ARID1B: variants seen among roughly 807,000 people sequenced by gnomAD.
ARID1B encodes AT-rich interactive domain-containing protein 1B.
A neutral mutation model predicts 212.3 loss-of-function variants in ARID1B; 30 were observed. The ratio of observed to expected loss-of-function variants is 0.14; its 90% CI spans 0.11 to 0.19. The LOEUF is 0.19. Among genes scored for constraint, ARID1B ranks in the 10% least tolerant of loss-of-function variants. ARID1B has a pLI of 1.00. For synonymous variants in ARID1B, 1,402 were observed against 1,301.7 expected (o/e 1.08, Z -1.66); for missense variants, 2,891 against 3,204.0 (o/e 0.90, Z 2.36).
At chr6:157,116,466 T>C (rs562441902) in intron 6 of ARID1B, among the ~76,000 whole-genome samples, 51 of 149,556 alleles carry the variant, frequency 3.4e-4, no homozygotes, top group African/African-American at 1.2e-3. Flanking sequence ...ACACAGGTTA[T>C]TTAACCCTTT....
intron 3 of ARID1B, among the ~76,000 whole-genome samples, chr6:156,905,987 A>G (rs1237982931): frequency 6.6e-6 from 1 of 152,202 alleles, no homozygotes; most frequent in East Asian, 1.9e-4. Context: ...GATGAGAAAT[A>G]TCCCTGTAAT....
In ARID1B at chr6:156,901,288, C is replaced by T. The variant is rs1415864479; in HGVS notation, c.1987-88C>T. The stretch of plus-strand genomic sequence containing the variant: ...AGTTTAGTTGCTTAGCAGAGAACCC[C>T]CTTCATGTTGCTGAATTGAAACCAT... On this transcript the variant is annotated intron_variant, in intron 2 of 19. Coordinates refer to ENST00000636930, the MANE Select transcript of ARID1B (RefSeq NM_001374828.1). 6 of 1,482,328 alleles carry T rather than the reference C, an allele frequency of 4.0e-6. No individual in the cohort carries two copies. The African/African-American group carries it at 5.5e-5, about 14-fold the overall frequency. 91.8% of individuals were successfully genotyped at this position (1,482,328 alleles called of 1,614,324 possible).
rs143370913 is a variant in ARID1B, at chr6:156,829,377, C to A, written c.1942C>A (p.Arg648=). The A allele has an allele frequency of 8.1e-5, 131 of 1,614,052 alleles. No individual in the cohort carries two copies. In the African/African-American group the frequency reaches 1.7e-3, roughly 21 times the overall value. ...GCGGTATCCAATTGGCATCCAGGGTCGGACTCCCGGGGCCATGGCCGGAAT... is the reference window on the plus strand; with the variant it reads ...GCGGTATCCAATTGGCATCCAGGGTAGGACTCCCGGGGCCATGGCCGGAAT... ...PQRYPIGIQG[R]TPGAMAGMQY... is the part of the protein sequence containing the mutation. The change falls in exon 2 of 20, where the codon CGG becomes AGG. Residue 648 remains arginine (R), a synonymous_variant. Coordinates refer to ENST00000636930, the MANE Select transcript of ARID1B (RefSeq NM_001374828.1).
At chr6:157,122,738 G>A (rs1436995548) in intron 6 of ARID1B, among the ~76,000 whole-genome samples, 2 of 152,122 alleles carry the variant, frequency 1.3e-5, no homozygotes, top group Non-Finnish European at 2.9e-5. Flanking sequence ...GAGTACAGTG[G>A]CGTGATCTGG....
chr6:156,861,736 T>C (rs1394616358), intron 2 of ARID1B, among the ~76,000 whole-genome samples: 1 of 152,182 alleles, frequency 6.6e-6, no homozygotes, highest in Non-Finnish European at 1.5e-5. Flanking sequence ...ATGGGAGCCC[T>C]TTCTCTTTGC....
In ARID1B at chr6:157,207,115, C is replaced by T. The variant is rs1361439044; in HGVS notation, c.6343C>T (p.Pro2115Ser). Residue 2115 changes from proline to serine, a missense_variant, in exon 20 of 20, where the codon CCG (proline) becomes TCG (serine). Pro to Ser is a moderately conservative substitution (Grantham distance 74). This residue lies in a region of ARID1B where 41 missense variants were observed against 40.4 expected (regional missense o/e 1.01). Transcript: ENST00000636930. This position sits in a 1 kb window ranked among gnomAD's most constrained non-coding sequence, Gnocchi z 8.5. ...CGAGCATCCAGAGAGAAAGCGAGCACCGCAGACCTATGAGAAAGAGGAGGA... is the reference window on the plus strand; with the variant it reads ...CGAGCATCCAGAGAGAAAGCGAGCATCGCAGACCTATGAGAAAGAGGAGGA... Reference protein sequence around the residue: ...HHEHPERKRAPQTYEKEEDED... With the variant: ...HHEHPERKRASQTYEKEEDED... 6.2e-7 allele frequency: 1 copy of T among 1,614,180 alleles called. No homozygotes were observed. The highest frequency in any genetic ancestry group is 2.2e-5 in the East Asian group (1 of 44,882).
intron 6 of ARID1B, among the ~76,000 whole-genome samples, chr6:157,121,113 G>C (rs1292209813): frequency 6.6e-6 from 1 of 152,216 alleles, no homozygotes; most frequent in African/African-American, 2.4e-5. Flanking sequence ...CAAGATCCAT[G>C]TTAAAATTCC....
At chr6:156,920,174 CA>C (rs1196850988) in intron 3 of ARID1B, among the ~76,000 whole-genome samples, 1 of 152,374 alleles carries the variant, frequency 6.6e-6, no homozygotes, top group East Asian at 1.9e-4. Flanking sequence ...TGCACCCCTT[CA>C]CCTCCCTCCC....
At chr6:157,130,600 G>T (rs1788481656) in intron 6 of ARID1B, among the ~76,000 whole-genome samples, 1 of 152,156 alleles carries the variant, frequency 6.6e-6, no homozygotes. Flanking sequence ...AGGATAATAA[G>T]AAATAGTTCA....
chr6:156,920,041 A>G (rs1460636109), intron 3 of ARID1B, among the ~76,000 whole-genome samples: 1 of 152,230 alleles, frequency 6.6e-6, no homozygotes, highest in East Asian at 1.9e-4. Context: ...ATGAGTGGAC[A>G]TTGCCTTGTT....
At chr6:157,081,419 A>G (rs1784625000) in intron 4 of ARID1B, among the ~76,000 whole-genome samples, 1 of 152,250 alleles carries the variant, frequency 6.6e-6, no homozygotes, top group South Asian at 2.1e-4. Context: ...ATAGCTCTAC[A>G]TACAGATACC....
chr6:156,930,520 A>G (rs1475564899), intron 3 of ARID1B, among the ~76,000 whole-genome samples: 2 of 152,228 alleles, frequency 1.3e-5, no homozygotes, highest in Non-Finnish European at 2.9e-5. Flanking sequence ...CAATGGACAT[A>G]TACAACCCTT....
At chr6:156,989,578 G>A (rs9322592) in intron 4 of ARID1B, among the ~76,000 whole-genome samples, 147,220 of 152,320 alleles carry the variant, frequency 0.97, 71,180 homozygotes, top group East Asian at 0.99. Context: ...CAATTGGGCC[G>A]CCCCATAGTT....
intron 5 of ARID1B, among the ~76,000 whole-genome samples, chr6:157,099,526 A>G (rs915988056): frequency 1.3e-5 from 2 of 152,194 alleles, no homozygotes; most frequent in African/African-American, 4.8e-5. Context: ...GTGTAGTTTT[A>G]GTATGTTTAA....
chr6:157,061,098 C>A (rs1783314178), intron 4 of ARID1B, among the ~76,000 whole-genome samples: 1 of 152,180 alleles, frequency 6.6e-6, no homozygotes, highest in African/African-American at 2.4e-5. Flanking sequence ...CTCAACTGAT[C>A]AACCAAGACA....
chr6:157,207,279 G>C lies in ARID1B; in HGVS notation c.6507G>C (p.Leu2169Phe), dbSNP rs778762659. 1.9e-6 allele frequency: 3 copies of C among 1,614,128 alleles called. No homozygotes were observed. Among genetic ancestry groups the C allele is most frequent in the Non-Finnish European group, 2.5e-6 (3 of 1,179,996 alleles). The change falls in exon 20 of 20, where the codon TTG becomes TTC. Residue 2169 changes from leucine to phenylalanine, a missense_variant. Transcript: ENST00000636930. The surrounding 1 kb of genome is among the most constrained non-coding windows in gnomAD (Gnocchi z 8.5). ...DLSAYTESIC[L>F]PILDGLLHWM... ...CTGCTTACACGGAAAGCATCTGCTT[G>C]CCAATTTTGGATGGCTTGCTGCACT...
intron 4 of ARID1B, among the ~76,000 whole-genome samples, chr6:157,014,216 C>T (rs1220995927): frequency 3.9e-5 from 6 of 152,160 alleles, no homozygotes; most frequent in Non-Finnish European, 7.4e-5. Flanking sequence ...TGGAATCTAG[C>T]AATATTGTCA....
chr6:156,932,412 T>C (rs967830096), intron 3 of ARID1B, among the ~76,000 whole-genome samples: 7 of 152,316 alleles, frequency 4.6e-5, no homozygotes, highest in African/African-American at 1.7e-4. Flanking sequence ...TACCACAATA[T>C]GGCATTCTAT....
At chr6:157,049,327 T>C (rs1173195140) in intron 4 of ARID1B, among the ~76,000 whole-genome samples, 2 of 152,134 alleles carry the variant, frequency 1.3e-5, no homozygotes, top group Non-Finnish European at 2.9e-5. Flanking sequence ...GACCTTCCTT[T>C]GGTAGCTGGG....
Sources: allele counts gnomAD v4.1 joint callset (sites outside exome capture counted in the v4.1 genomes callset), GRCh38; gene constraint gnomAD v4.1.1; regional missense constraint gnomAD v4.1.1; non-coding constraint Gnocchi (gnomAD v3.1); transcripts MANE v1.5; gene names NCBI Gene and HGNC (gene_info 2026-07-23, HGNC 2026-07-21).